TSHB: variants seen among roughly 807,000 people sequenced by gnomAD.
TSHB encodes thyrotropin subunit beta.
TSHB carries 9 observed loss-of-function variants against 9.3 expected under a neutral mutation model. The observed-to-expected ratio is 0.97, with a 90% CI of 0.58 to 1.69. The LOEUF (loss-of-function observed/expected upper bound fraction) is 1.69, where lower values mean the gene tolerates loss of function less well. TSHB is among the 40% of genes most tolerant of loss of function. TSHB has a pLI of 0.00. For missense variants in TSHB, 182 were observed against 168.5 expected (o/e 1.08, Z -0.44); for synonymous variants, 57 against 57.2 (o/e 1.00, Z 0.01).
intron 1 of TSHB, among the ~76,000 whole-genome samples, chr1:115,032,960 T>C (rs1674927706): frequency 6.6e-6 from 1 of 151,560 alleles, no homozygotes; most frequent in African/African-American, 2.4e-5. Context: ...GGCTAACCCA[T>C]AATGGAGCTG....
At chr1:115,033,159 GAGTT>G (rs1367751386) in intron 1 of TSHB, among the ~76,000 whole-genome samples, 199 bp from the exon 2 acceptor site, 6 of 152,010 alleles carry the variant, frequency 3.9e-5, no homozygotes, top group African/African-American at 1.2e-4. Context: ...CTAGATTTCT[GAGTT>G]AGCCCCTTAA....
At chr1:115,032,669 C>A (rs1674918559) in intron 1 of TSHB, among the ~76,000 whole-genome samples, 2 of 151,992 alleles carry the variant, frequency 1.3e-5, no homozygotes, top group East Asian at 1.9e-4. Flanking sequence ...AATTACCCTT[C>A]CTCAGTAGTA....
rs73006228 is a variant in TSHB at position 115,033,621 on chromosome 1, A to G, written c.162+97A>G. 1,776 of 1,177,954 alleles carry G rather than the reference A, an allele frequency of 1.5e-3. 15 individuals carry two copies. The African/African-American group carries it at 0.023, about 15-fold the overall frequency. The allele number at this position is 1,177,954 out of a possible 1,614,324, so 73.0% of individuals were successfully genotyped here. On this transcript the variant is annotated intron_variant, in intron 2 of 2. Coordinates refer to ENST00000256592, the MANE Select transcript of TSHB (RefSeq NM_000549.5). The stretch of plus-strand genomic sequence containing the variant: ...AGGAAATGAAATAAATCACAACCTC[A>G]TTTCCCAAATCTAATGGTTATTGGC...
In TSHB at chr1:115,033,507, G is replaced by A. The variant is rs121918668; in HGVS notation, c.145G>A (p.Gly49Arg). 7 of 1,613,180 alleles carry A rather than the reference G, an allele frequency of 4.3e-6. No homozygotes were observed. In the East Asian group the frequency reaches 1.6e-4, roughly 36 times the overall value. The change falls in exon 2 of 3, where the codon GGA (glycine) becomes AGA (arginine). Residue 49 changes from glycine (G) to arginine (R), a missense_variant. Coordinates refer to ENST00000256592, the MANE Select transcript of TSHB (RefSeq NM_000549.5). ...CLTINTTICAGYCMTRDINGK... is the reference protein window; with the variant it reads ...CLTINTTICARYCMTRDINGK... Reference sequence around the variant, plus strand: ...AACCATCAACACCACCATCTGTGCTGGATATTGTATGACACGGGTATGTAG... The same window carrying A: ...AACCATCAACACCACCATCTGTGCTAGATATTGTATGACACGGGTATGTAG...
rs757674739 is a variant in TSHB, at chr1:115,033,523, G to A, written c.161G>A (p.Arg54Gln). ...ATCTGTGCTGGATATTGTATGACACGGGTATGTAGTTCATGTCACTTCTTT... is the reference window on the plus strand; with the variant it reads ...ATCTGTGCTGGATATTGTATGACACAGGTATGTAGTTCATGTCACTTCTTT... Reference protein sequence around the residue: ...TTICAGYCMTRDINGKLFLPK... With the variant: ...TTICAGYCMTQDINGKLFLPK... Residue 54 changes from arginine to glutamine, a missense_variant and splice_region_variant, in exon 2 of 3, where the codon CGG (arginine) becomes CAG (glutamine). Physicochemically the swap from Arg to Gln is conservative, Grantham distance 43. Transcript: ENST00000256592. 7.4e-6 allele frequency: 12 copies of A among 1,612,126 alleles called. No homozygotes were observed. The highest frequency in any genetic ancestry group is 1.0e-5 in the Non-Finnish European group (12 of 1,178,440).
rs1377666663 is a variant in TSHB, at chr1:115,034,176, A to C, written c.366A>C (p.Thr122=). 1.6e-5 allele frequency: 26 copies of C among 1,613,766 alleles called. No homozygotes were observed. Among genetic ancestry groups the C allele is most frequent in the Non-Finnish European group, 2.0e-5 (24 of 1,179,802 alleles). The change falls in exon 3 of 3, where the codon ACA becomes ACC. Residue 122 remains threonine, a synonymous_variant. Coordinates refer to ENST00000256592, the MANE Select transcript of TSHB (RefSeq NM_000549.5). The part of the protein sequence containing the change: ...YSDCIHEAIK[T]NYCTKPQKSY... ...ACTGCATACATGAAGCCATCAAGACAAACTACTGTACCAAACCTCAGAAGT... is the reference window on the plus strand; with the variant it reads ...ACTGCATACATGAAGCCATCAAGACCAACTACTGTACCAAACCTCAGAAGT...
chr1:115,033,857 T>A lies in TSHB; in HGVS notation c.163-116T>A, dbSNP rs945642665. 8.3e-6 allele frequency: 12 copies of A among 1,448,384 alleles called. No homozygotes were observed. The Admixed American group carries it at 2.0e-4, about 25-fold the overall frequency. The allele number at this position is 1,448,384 out of a possible 1,614,324, so 89.7% of individuals were successfully genotyped here. A position where few individuals can be genotyped will look rare whatever the true frequency, so the allele number is the denominator to read the frequency against. On this transcript the variant is annotated intron_variant, in intron 2 of 2. Coordinates refer to ENST00000256592, the MANE Select transcript of TSHB (RefSeq NM_000549.5). ...ATTGGAGAATGGGGCTAAGCAATTC[T>A]TTCCCAGTTGTATTTGTGATGAAGG...
chr1:115,032,762 A>T (rs1852992), intron 1 of TSHB, among the ~76,000 whole-genome samples: 2 of 151,584 alleles, frequency 1.3e-5, no homozygotes, highest in Non-Finnish European at 2.9e-5. Flanking sequence ...TATTGATATG[A>T]TATATCCAAT....
In TSHB at chr1:115,034,290, A is replaced by G; in HGVS notation, c.*63A>G. The G allele has an allele frequency of 6.5e-7, 1 of 1,537,826 alleles. No homozygotes were observed. The highest frequency in any genetic ancestry group is 9.0e-7 in the Non-Finnish European group (1 of 1,112,424). On this transcript the variant is annotated 3_prime_UTR_variant, in exon 3 of 3. Coordinates refer to ENST00000256592, the MANE Select transcript of TSHB (RefSeq NM_000549.5). ...CTGAAATAAAGCTAATAAAAATATT[A>G]TGTTTCACATTATCTTCTGTTCATT...
chr1:115,032,133 T>C (rs1477905816), intron 1 of TSHB, among the ~76,000 whole-genome samples: 2 of 152,032 alleles, frequency 1.3e-5, no homozygotes, highest in Non-Finnish European at 2.9e-5. Context: ...TGTTTGTCAG[T>C]GCCTGGTTCA....
chr1:115,034,092 T>C lies in TSHB; in HGVS notation c.282T>C (p.Tyr94=), dbSNP rs752723383. Residue 94 remains tyrosine, a synonymous_variant, in exon 3 of 3, where the codon TAT becomes TAC. Coordinates refer to ENST00000256592, the MANE Select transcript of TSHB (RefSeq NM_000549.5). ...GATGCCCACTCCATGTTGCTCCCTATTTTTCCTATCCTGTTGCTTTAAGCT... is the reference window on the plus strand; with the variant it reads ...GATGCCCACTCCATGTTGCTCCCTACTTTTCCTATCCTGTTGCTTTAAGCT... ...IPGCPLHVAP[Y]FSYPVALSCK... 1 of 1,613,840 alleles carries C rather than the reference T, an allele frequency of 6.2e-7. No homozygotes were observed. The highest frequency in any genetic ancestry group is 1.1e-5 in the South Asian group (1 of 91,084).
Position 115,034,291 on chromosome 1 carries a change from T to A in TSHB, c.*64T>A. The A allele has an allele frequency of 6.5e-7, 1 of 1,537,178 alleles. No homozygotes were observed. Among genetic ancestry groups the A allele is most frequent in the African/African-American group, 1.4e-5 (1 of 73,440 alleles). ...TGAAATAAAGCTAATAAAAATATTA[T>A]GTTTCACATTATCTTCTGTTCATTT... is the stretch of plus-strand genomic sequence containing the variant. On this transcript the variant is annotated 3_prime_UTR_variant, in exon 3 of 3. Transcript: ENST00000256592.
In TSHB at chr1:115,033,984, C is replaced by A. The variant is rs750744046; in HGVS notation, c.174C>A (p.Gly58=). 4.3e-6 allele frequency: 7 copies of A among 1,613,428 alleles called. No homozygotes were observed. The highest frequency in any genetic ancestry group is 5.9e-6 in the Non-Finnish European group (7 of 1,179,700). The change falls in exon 3 of 3, where the codon GGC becomes GGA. Residue 58 remains glycine (G), a synonymous_variant. Transcript: ENST00000256592. ...TGTTCTTTCCCCAGGATATCAATGGCAAACTGTTTCTTCCCAAATATGCTC... is the reference window on the plus strand; with the variant it reads ...TGTTCTTTCCCCAGGATATCAATGGAAAACTGTTTCTTCCCAAATATGCTC... The part of the protein sequence containing the change: ...AGYCMTRDIN[G]KLFLPKYALS...
intron 1 of TSHB, among the ~76,000 whole-genome samples, chr1:115,032,452 A>T (rs574302101): frequency 6.6e-6 from 1 of 152,154 alleles, no homozygotes; most frequent in South Asian, 2.1e-4. Context: ...TTAGTAAATT[A>T]TATTTTATTT....
Position 115,033,444 on chromosome 1 carries a change from A to G in TSHB, c.82A>G (p.Thr28Ala). 3.1e-6 allele frequency: 5 copies of G among 1,613,256 alleles called. No individual in the cohort carries two copies. Among genetic ancestry groups the G allele is most frequent in the Non-Finnish European group, 4.2e-6 (5 of 1,179,272 alleles). Reference protein sequence around the residue: ...AMSFCIPTEYTMHIERRECAY... With the variant: ...AMSFCIPTEYAMHIERRECAY... ...GTCTTTTTGTATTCCAACTGAGTAT[A>G]CAATGCACATCGAAAGGAGAGAGTG... Residue 28 changes from threonine to alanine, a missense_variant, in exon 2 of 3, where the codon ACA (threonine) becomes GCA (alanine). Thr to Ala is a moderately conservative substitution (Grantham distance 58). Transcript: ENST00000256592.
intron 1 of TSHB, 35 bp from the exon 2 acceptor site, chr1:115,033,327 A>G: frequency 6.2e-7 from 1 of 1,609,442 alleles, no homozygotes; most frequent in Admixed American, 1.7e-5. Flanking sequence ...TTCTGATTTT[A>G]ACAAATAGGT....
At chr1:115,030,417 A>C (rs1200767203) in intron 1 of TSHB, among the ~76,000 whole-genome samples, 1 of 152,040 alleles carries the variant, frequency 6.6e-6, no homozygotes, top group Non-Finnish European at 1.5e-5. Context: ...GTGAAGTTCC[A>C]GGATTATTCA....
chr1:115,034,104 T>A lies in TSHB; in HGVS notation c.294T>A (p.Pro98=). ...PLHVAPYFSY[P]VALSCKCGKC... ...ATGTTGCTCCCTATTTTTCCTATCCTGTTGCTTTAAGCTGTAAGTGTGGCA... is the reference window on the plus strand; with the variant it reads ...ATGTTGCTCCCTATTTTTCCTATCCAGTTGCTTTAAGCTGTAAGTGTGGCA... Residue 98 remains proline (P), a synonymous_variant, in exon 3 of 3, where the codon CCT becomes CCA. Transcript: ENST00000256592. The A allele has an allele frequency of 6.2e-7, 1 of 1,613,868 alleles. No individual in the cohort carries two copies. Among genetic ancestry groups the A allele is most frequent in the South Asian group, 1.1e-5 (1 of 91,074 alleles).
At chr1:115,033,829 G>T in intron 2 of TSHB, 144 bp from the exon 3 acceptor site, 3 of 1,155,564 alleles carry the variant, frequency 2.6e-6, no homozygotes, top group East Asian at 2.5e-5. Context: ...TGGTTAAGTT[G>T]GTATTGGAGA....
Sources: gnomAD v4.1 joint callset for allele counts (sites outside exome capture counted in the v4.1 genomes callset) on GRCh38, gnomAD v4.1.1 for gene constraint, MANE v1.5 for transcripts, NCBI Gene and HGNC (gene_info 2026-07-23, HGNC 2026-07-21) for gene names.